RFC3: variants seen among roughly 807,000 people sequenced by gnomAD.
The protein encoded by RFC3 is A1 38 kDa subunit.
A neutral mutation model predicts 45.1 loss-of-function variants in RFC3; 41 were observed. That is an observed-to-expected ratio of 0.91 (90% CI 0.71 to 1.18). RFC3 has a LOEUF of 1.18. RFC3 is among the 50% of genes most tolerant of loss of function. The pLI is 0.00. For missense variants in RFC3, 423 were observed against 428.1 expected (o/e 0.99, Z 0.10); for synonymous variants, 149 against 144.0 (o/e 1.03, Z -0.25).
chr13:33,856,148 G>C (rs2137521560), intron 8 of RFC3, among the ~76,000 whole-genome samples: 1 of 152,182 alleles, frequency 6.6e-6, no homozygotes. Context: ...TTTCATATAT[G>C]GTATAAGGAA....
intron 8 of RFC3, among the ~76,000 whole-genome samples, chr13:33,932,781 C>G (rs903227336): frequency 4.6e-5 from 7 of 152,204 alleles, no homozygotes. Context: ...GTCTGTTTCT[C>G]TTGCAAAGTA....
chr13:33,974,571 T>G, the RFC3 span, among the ~76,000 whole-genome samples: 3 of 152,248 alleles, frequency 2.0e-5, no homozygotes, highest in Admixed American at 6.5e-5. Context: ...GAGAGAATAG[T>G]GACCACCTCA....
intron 8 of RFC3, among the ~76,000 whole-genome samples, chr13:33,886,258 G>T (rs2082522032): frequency 6.6e-6 from 1 of 152,088 alleles, no homozygotes; most frequent in Non-Finnish European, 1.5e-5. Flanking sequence ...TTAAGAAAAT[G>T]AAACCGGACC....
chr13:33,917,841 A>G (rs555695069), intron 8 of RFC3, among the ~76,000 whole-genome samples: 8 of 152,146 alleles, frequency 5.3e-5, no homozygotes, highest in Non-Finnish European at 1.0e-4. Context: ...CAGACAATCC[A>G]CTTGAATTTT....
At chr13:33,917,583 A>G (rs17080169) in intron 8 of RFC3, among the ~76,000 whole-genome samples, 28,811 of 151,928 alleles carry the variant, frequency 0.19, 3,849 homozygotes, top group African/African-American at 0.35. Flanking sequence ...AACCCTCCAC[A>G]TGCTGGGCAA....
At chr13:33,961,061 A>C (rs1157971229) in intron 8 of RFC3, among the ~76,000 whole-genome samples, 1 of 152,222 alleles carries the variant, frequency 6.6e-6, no homozygotes, top group African/African-American at 2.4e-5. Context: ...GTATGTTCCA[A>C]ATATTAAATG....
At chr13:33,973,178 TAGAC>T in the RFC3 span, among the ~76,000 whole-genome samples, 1 of 151,982 alleles carries the variant, frequency 6.6e-6, no homozygotes, top group Non-Finnish European at 1.5e-5. Context: ...ACATAAGTAA[TAGAC>T]TGTAGTAATG....
intron 8 of RFC3, among the ~76,000 whole-genome samples, chr13:33,878,801 T>G (rs2082464291): frequency 6.6e-6 from 1 of 152,224 alleles, no homozygotes; most frequent in Non-Finnish European, 1.5e-5. Context: ...TGGTTTCTTC[T>G]GTCATCTGTC....
chr13:33,874,170 C>G (rs530778773), intron 8 of RFC3, among the ~76,000 whole-genome samples: 3 of 152,174 alleles, frequency 2.0e-5, no homozygotes, highest in Non-Finnish European at 4.4e-5. Context: ...ATGAAATGAG[C>G]TAAATAACAA....
At chr13:33,967,648 C>T (rs1481313046), downstream of RFC3, among the ~76,000 whole-genome samples, 3 of 151,642 alleles carry the variant, frequency 2.0e-5, no homozygotes, top group African/African-American at 7.3e-5. Context: ...CCACCACGCC[C>T]AGCTAATTTT....
intron 8 of RFC3, among the ~76,000 whole-genome samples, chr13:33,866,627 C>T (rs2082375365): frequency 6.6e-6 from 1 of 152,148 alleles, no homozygotes; most frequent in African/African-American, 2.4e-5. Flanking sequence ...TCTGAGCCCC[C>T]TCAGAAAAGG....
chr13:33,949,130 G>A (rs1048955256), intron 8 of RFC3, among the ~76,000 whole-genome samples: 2 of 152,094 alleles, frequency 1.3e-5, no homozygotes, highest in African/African-American at 4.8e-5. Context: ...TGTGGGAACA[G>A]GTAGAGGTAA....
chr13:33,892,216 A>G (rs1007328636), intron 8 of RFC3, among the ~76,000 whole-genome samples: 3 of 152,192 alleles, frequency 2.0e-5, no homozygotes, highest in Admixed American at 1.3e-4. Flanking sequence ...GTTGCCTTGA[A>G]TGAAGCAGGT....
intron 8 of RFC3, among the ~76,000 whole-genome samples, chr13:33,914,180 G>A (rs547642957): frequency 6.6e-6 from 1 of 152,184 alleles, no homozygotes; most frequent in Admixed American, 6.5e-5. Context: ...CTACTTTTAA[G>A]CTAATAGGAA....
chr13:33,880,439 T>A (rs2082475428), intron 8 of RFC3, among the ~76,000 whole-genome samples: 1 of 152,062 alleles, frequency 6.6e-6, no homozygotes, highest in African/African-American at 2.4e-5. Flanking sequence ...AGTGAGTCAT[T>A]GTGGGTTGCT....
chr13:33,951,233 A>ATTTTTTTTTTTTTT (rs11336021), intron 8 of RFC3, among the ~76,000 whole-genome samples: 1 of 134,158 alleles, frequency 7.5e-6, no homozygotes, highest in African/African-American at 2.7e-5. Flanking sequence ...CTATAAGTAC[A>ATTTTTTTTTTTTTT]TTTTTTTTTT....
intron 8 of RFC3, among the ~76,000 whole-genome samples, chr13:33,876,399 A>T (rs544241075): frequency 6.6e-6 from 1 of 152,310 alleles, no homozygotes; most frequent in Non-Finnish European, 1.5e-5. Context: ...TCCTTATTTT[A>T]ATCAATGTTC....
At chr13:33,940,353 T>C (rs2082915266) in intron 8 of RFC3, among the ~76,000 whole-genome samples, 1 of 152,218 alleles carries the variant, frequency 6.6e-6, no homozygotes, top group East Asian at 1.9e-4. Flanking sequence ...CAATTTAAGA[T>C]TATGTTGCCT....
intron 8 of RFC3, among the ~76,000 whole-genome samples, chr13:33,853,218 C>T (rs2082287460): frequency 6.6e-6 from 1 of 152,138 alleles, no homozygotes; most frequent in African/African-American, 2.4e-5. Flanking sequence ...GACTCCCTCT[C>T]CCATTATAGA....
Sources: gnomAD v4.1 joint callset for allele counts (sites outside exome capture counted in the v4.1 genomes callset) on GRCh38, gnomAD v4.1.1 for gene constraint, MANE v1.5 for transcripts, NCBI Gene and HGNC (gene_info 2026-07-23, HGNC 2026-07-21) for gene names.